The following LIG4 variants were observed in gnomAD, a reference collection of about 807,000 sequenced individuals.
LIG4 encodes DNA joinase.
Under a neutral mutation model 19.0 loss-of-function variants are expected in LIG4, and 13 were observed. That is an observed-to-expected ratio of 0.68 (90% CI 0.44 to 1.09). The LOEUF is 1.09. Among genes scored for constraint, LIG4 ranks in the 50% least tolerant of loss-of-function variants. The pLI, the probability that LIG4 is intolerant of heterozygous loss-of-function variation, is 0.00. For synonymous variants in LIG4, 361 were observed against 358.2 expected (o/e 1.01, Z -0.09); for missense variants, 1,026 against 1,089.7 (o/e 0.94, Z 0.82).
Position 108,209,301 on chromosome 13 carries a change from A to T in LIG4, c.1968T>A (p.Ser656=), listed in dbSNP as rs757708627. ...APNLTNVNKI[S]NIFEDVEFCV... ...AAAACTCTACATCTTCAAATATATTAGAAATTTTGTTAACGTTAGTAAGGT... is the reference window on the plus strand; with the variant it reads ...AAAACTCTACATCTTCAAATATATTTGAAATTTTGTTAACGTTAGTAAGGT... The change falls in exon 3 of 3, where the codon TCT becomes TCA. Residue 656 remains serine (S), a synonymous_variant. Transcript: ENST00000442234. 2 of 1,614,098 alleles carry T rather than the reference A, an allele frequency of 1.2e-6. No homozygotes were observed. Among genetic ancestry groups the T allele is most frequent in the Non-Finnish European group, 8.5e-7 (1 of 1,179,976 alleles).
chr13:108,217,481 T>C (rs1012634021), upstream of LIG4, among the ~76,000 whole-genome samples: 24 of 151,808 alleles, frequency 1.6e-4, no homozygotes, highest in African/African-American at 5.6e-4. Flanking sequence ...GATCTTGCCA[T>C]TGCACTCCAG....
At chr13:108,216,438 A>T (rs894715947), upstream of LIG4, among the ~76,000 whole-genome samples, 6 of 152,236 alleles carry the variant, frequency 3.9e-5, no homozygotes, top group African/African-American at 1.4e-4. Flanking sequence ...GTGCCCTTAG[A>T]GGTTGTGTAA....
Position 108,211,080 on chromosome 13 carries a change from A to G in LIG4, c.189T>C (p.Ser63=). 1 of 1,606,234 alleles carries G rather than the reference A, an allele frequency of 6.2e-7. No homozygotes were observed. Among genetic ancestry groups the G allele is most frequent in the South Asian group, 1.1e-5 (1 of 89,758 alleles). Residue 63 remains serine, a synonymous_variant, in exon 3 of 3, where the codon TCT becomes TCC. Coordinates refer to ENST00000442234, the MANE Select transcript of LIG4 (RefSeq NM_206937.2). ...LHKNHKDVTD[S]FYPAMRLILP... ...GAATTAGTCTCATTGCTGGATAAAA[A>G]GAGTCTGTGACATCTTTGTGGTTCT...
rs1566367610 is a variant in LIG4, at chr13:108,211,049, G to A, written c.220C>T (p.Gln74Ter). ...FYPAMRLILP[Q>*]LERERMAYGI... Reference sequence around the variant, plus strand: ...TAGGCCATTCTCTCTCTTTCTAGCTGAGGAAGAATTAGTCTCATTGCTGGA... The same window carrying A: ...TAGGCCATTCTCTCTCTTTCTAGCTAAGGAAGAATTAGTCTCATTGCTGGA... Residue 74 changes from glutamine (Q) to a stop codon, truncating the protein, a stop_gained, in exon 3 of 3, where the codon CAG becomes TAG. Coordinates refer to ENST00000442234, the MANE Select transcript of LIG4 (RefSeq NM_206937.2). LOFTEE classifies it high-confidence loss of function. 2 of 1,601,680 alleles carry A rather than the reference G, an allele frequency of 1.2e-6. No homozygotes were observed. Among genetic ancestry groups the A allele is most frequent in the Non-Finnish European group, 1.7e-6 (2 of 1,174,580 alleles).
At position 108,210,775 on chromosome 13, in the gene LIG4, T is replaced by A. The variant is rs1566366932; in HGVS notation, c.494A>T (p.Asp165Val). The change falls in exon 3 of 3, where the codon GAC becomes GTC. Residue 165 changes from aspartate to valine, a missense_variant. Asp to Val is a radical substitution (Grantham distance 152). Around this residue, in one of 3 missense-constraint regions of LIG4, gnomAD observed 493 missense variants for 544.5 expected, o/e 0.91. Transcript: ENST00000442234. Reference sequence around the variant, plus strand: ...TTGAAGAAGGCTCTTTTTTATTAGGTCTTTTCTTTTAGCAGAATTATTGCT... The same window carrying A: ...TTGAAGAAGGCTCTTTTTTATTAGGACTTTTCTTTTAGCAGAATTATTGCT... The part of the protein sequence containing the change: ...IASNNSAKRK[D>V]LIKKSLLQLI... The A allele has an allele frequency of 6.2e-7, 1 of 1,614,000 alleles. No homozygotes were observed. Among genetic ancestry groups the A allele is most frequent in the Non-Finnish European group, 8.5e-7 (1 of 1,179,944 alleles).
intron 2 of LIG4, among the ~76,000 whole-genome samples, chr13:108,213,630 AT>A (rs1167964429): frequency 6.6e-6 from 1 of 152,164 alleles, no homozygotes; most frequent in East Asian, 1.9e-4. Flanking sequence ...GATTCTGAGG[AT>A]TTTAGCTGAT....
At chr13:108,216,758 A>G (rs1057193536), upstream of LIG4, among the ~76,000 whole-genome samples, 3 of 152,216 alleles carry the variant, frequency 2.0e-5, no homozygotes, top group African/African-American at 4.8e-5. Context: ...TTCAACCTCT[A>G]CTGAGCTCCT....
rs376108062 is a variant in LIG4, at chr13:108,210,301, A to G, written c.968T>C (p.Ile323Thr). The G allele has an allele frequency of 2.9e-5, 46 of 1,613,900 alleles. No individual in the cohort carries two copies. The highest frequency in any genetic ancestry group is 1.6e-4 in the Middle Eastern group (1 of 6,082). ...CTCACCATCAAGAATACAGATTTGTATATCTGCTTTGAATGCATTATGAAT... is the reference window on the plus strand; with the variant it reads ...CTCACCATCAAGAATACAGATTTGTGTATCTGCTTTGAATGCATTATGAAT... ...PFIHNAFKAD[I>T]QICILDGEMM... The change falls in exon 3 of 3, where the codon ATA becomes ACA. Residue 323 changes from isoleucine to threonine, a missense_variant. Ile to Thr is a moderately conservative substitution (Grantham distance 89). Coordinates refer to ENST00000442234, the MANE Select transcript of LIG4 (RefSeq NM_206937.2).
rs780787673 is a variant in LIG4 at position 108,209,224 on chromosome 13, A to G, written c.2045T>C (p.Ile682Thr). The G allele has an allele frequency of 9.9e-6, 16 of 1,614,072 alleles. No individual in the cohort carries two copies. The South Asian group carries it at 1.3e-4, about 13-fold the overall frequency. Reference protein sequence around the residue: ...SQPKPDLENRIAEFGGYIVQN... With the variant: ...SQPKPDLENRTAEFGGYIVQN... The stretch of plus-strand genomic sequence containing the variant: ...TACTATATAACCACCAAATTCTGCA[A>G]TTCTGTTCTCCAGGTCAGGCTTTGG... The change falls in exon 3 of 3, where the codon ATT becomes ACT. Residue 682 changes from isoleucine to threonine, a missense_variant. Coordinates refer to ENST00000442234, the MANE Select transcript of LIG4 (RefSeq NM_206937.2).
At chr13:108,213,317 T>A (rs1878856879) in intron 2 of LIG4, among the ~76,000 whole-genome samples, 1 of 152,104 alleles carries the variant, frequency 6.6e-6, no homozygotes, top group Admixed American at 6.5e-5. Flanking sequence ...ATAAAGTAGG[T>A]TAACTAATAT....
At chr13:108,213,003 G>A (rs1878824823) in intron 2 of LIG4, among the ~76,000 whole-genome samples, 1 of 152,098 alleles carries the variant, frequency 6.6e-6, no homozygotes. Context: ...CCTGGCAATG[G>A]TTTACAACAG....
chr13:108,208,580 A>C lies in LIG4; in HGVS notation c.2689T>G (p.Ser897Ala). 1 of 1,613,000 alleles carries C rather than the reference A, an allele frequency of 6.2e-7. No homozygotes were observed. Among genetic ancestry groups the C allele is most frequent in the Non-Finnish European group, 8.5e-7 (1 of 1,179,198 alleles). The change falls in exon 3 of 3, where the codon TCA (serine) becomes GCA (alanine). Residue 897 changes from serine to alanine, a missense_variant. Ser to Ala is a moderately conservative substitution (Grantham distance 99). This residue lies in a region of LIG4 where 521 missense variants were observed against 515.5 expected (regional missense o/e 1.01). Coordinates refer to ENST00000442234, the MANE Select transcript of LIG4 (RefSeq NM_206937.2). ...KILKESWVTD[S>A]IDKCELQEEN... ...TCTTGTAATTCACACTTGTCTATTG[A>C]ATCAGTTACCCAACTTTCTTTTAGG... is the stretch of plus-strand genomic sequence containing the variant.
chr13:108,214,318 G>A (rs1878983903), intron 2 of LIG4, among the ~76,000 whole-genome samples: 1 of 152,158 alleles, frequency 6.6e-6, no homozygotes, highest in Admixed American at 6.5e-5. Context: ...AAAAAGAAAT[G>A]AGCAGACAAA....
upstream of LIG4, chr13:108,218,258 T>A (rs1879415102): frequency 1.3e-5 from 2 of 152,240 alleles, no homozygotes; most frequent in African/African-American, 4.8e-5. Context: ...GGAGTCCTGG[T>A]GCTCGGAGGA....
rs1878153833 is a variant in LIG4, at chr13:108,208,476, C to A, written c.*57G>T. ...AATGTAGTTTAGTATTTTATCATTA[C>A]CACCTGCTGCAATGAGTCTGCCAGA... On this transcript the variant is annotated 3_prime_UTR_variant, in exon 3 of 3. Transcript: ENST00000442234. 1.9e-6 allele frequency: 2 copies of A among 1,061,520 alleles called. No individual in the cohort carries two copies. Among genetic ancestry groups the A allele is most frequent in the African/African-American group, 1.6e-5 (1 of 63,302 alleles). 65.8% of individuals were successfully genotyped at this position (1,061,520 alleles called of 1,614,324 possible).
At position 108,209,946 on chromosome 13, in the gene LIG4, G is replaced by T. The variant is rs1878434779; in HGVS notation, c.1323C>A (p.Asp441Glu). The T allele has an allele frequency of 1.2e-6, 2 of 1,613,720 alleles. No individual in the cohort carries two copies. The highest frequency in any genetic ancestry group is 1.7e-5 in the Admixed American group (1 of 60,002). The change falls in exon 3 of 3, where the codon GAC becomes GAA. Residue 441 changes from aspartate (D) to glutamate (E), a missense_variant. Physicochemically the swap from Asp to Glu is conservative, Grantham distance 45. Around this residue, in one of 3 missense-constraint regions of LIG4, gnomAD observed 493 missense variants for 544.5 expected, o/e 0.91. Coordinates refer to ENST00000442234, the MANE Select transcript of LIG4 (RefSeq NM_206937.2). ...TTTTTAACCACCCTTCACCTCTTTTGTCTGGCTTGTAGATGGATAGAGGTT... is the reference window on the plus strand; with the variant it reads ...TTTTTAACCACCCTTCACCTCTTTTTTCTGGCTTGTAGATGGATAGAGGTT... ...VKQPLSIYKP[D>E]KRGEGWLKIK...
chr13:108,211,834 G>A (rs2138984003), intron 2 of LIG4, among the ~76,000 whole-genome samples: 1 of 152,130 alleles, frequency 6.6e-6, no homozygotes, highest in Non-Finnish European at 1.5e-5. Flanking sequence ...TCATAGGCAG[G>A]GCCCTTGACC....
In LIG4 at chr13:108,208,970, T is replaced by C. The variant is rs758471169; in HGVS notation, c.2299A>G (p.Ile767Val). 2.5e-6 allele frequency: 4 copies of C among 1,614,054 alleles called. No homozygotes were observed. In the African/African-American group the frequency reaches 4.0e-5, roughly 16 times the overall value. ...TTCAGTTGGTTCAAGTCTGTATCAA[T>C]GAAATAACTATCACCATAGCAATCA... ...EYDCYGDSYF[I>V]DTDLNQLKEV... The change falls in exon 3 of 3, where the codon ATT becomes GTT. Residue 767 changes from isoleucine to valine, a missense_variant. Ile to Val is a conservative substitution (Grantham distance 29). Transcript: ENST00000442234.
At position 108,210,379 on chromosome 13, in the gene LIG4, T is replaced by C; in HGVS notation, c.890A>G (p.Asn297Ser). The C allele has an allele frequency of 6.2e-7, 1 of 1,613,896 alleles. No homozygotes were observed. Residue 297 changes from asparagine (N) to serine (S), a missense_variant, in exon 3 of 3, where the codon AAC (asparagine) becomes AGC (serine). Physicochemically the swap from Asn to Ser is conservative, Grantham distance 46 (BLOSUM62 1). Around this residue, in one of 3 missense-constraint regions of LIG4, gnomAD observed 493 missense variants for 544.5 expected, o/e 0.91. Transcript: ENST00000442234. ...VYKYFSRNGY[N>S]YTDQFGASPT... ...AGAAGCACCAAACTGATCAGTGTAG[T>C]TATATCCATTTCGAGAGAAGTATTT...
Sources: allele counts gnomAD v4.1 joint callset (sites outside exome capture counted in the v4.1 genomes callset), GRCh38; gene constraint gnomAD v4.1.1; regional missense constraint gnomAD v4.1.1; transcripts MANE v1.5; gene names NCBI Gene and HGNC (gene_info 2026-07-23, HGNC 2026-07-21).